Variants in XNDC1N observed in about 807,000 individuals in gnomAD.
XNDC1N encodes the protein XRCC1 N-terminal domain containing 1, N-terminal like, also known as protein XNDC1N.
At chr11:71,908,539 C>A in the XNDC1N span, among the ~76,000 whole-genome samples, 8 of 152,218 alleles carry the variant, frequency 5.3e-5, no homozygotes, top group African/African-American at 1.9e-4. Flanking sequence ...GACACAAATG[C>A]CCCTGAGAGA....
the XNDC1N span, chr11:71,914,277 T>G: frequency 2.2e-6 from 1 of 456,114 alleles, no homozygotes; most frequent in Non-Finnish European, 4.4e-6. Flanking sequence ...TGGTGATTCA[T>G]GGGAGGAGGT....
chr11:71,928,300 T>C, the XNDC1N span: 2 of 606,732 alleles, frequency 3.3e-6, no homozygotes, highest in South Asian at 3.9e-5. Flanking sequence ...GTTCATTTCC[T>C]TGATGGCCAC....
At chr11:71,917,399 A>T in the XNDC1N span, 1 of 616,800 alleles carries the variant, frequency 1.6e-6, no homozygotes, top group South Asian at 1.9e-5. Flanking sequence ...TAAATAGTTC[A>T]TAAATCTCCA....
the XNDC1N span, chr11:71,894,474 G>C: frequency 6.8e-6 from 1 of 146,544 alleles, no homozygotes; most frequent in South Asian, 2.0e-4. Context: ...TGCAAATCCT[G>C]CCTCTTAGTC....
At chr11:71,896,849 C>T in the XNDC1N span, among the ~76,000 whole-genome samples, 49 of 152,222 alleles carry the variant, frequency 3.2e-4, no homozygotes, top group African/African-American at 1.0e-3. Flanking sequence ...CAGGCGTGAG[C>T]GACTGCGGCC....
chr11:71,884,543 T>C, the XNDC1N span: 2 of 1,606,274 alleles, frequency 1.2e-6, no homozygotes, highest in Middle Eastern at 2.3e-4. Flanking sequence ...TTCAAATTGA[T>C]GGACAAAAGA....
the XNDC1N span, among the ~76,000 whole-genome samples, chr11:71,890,072 G>A: frequency 3.9e-5 from 6 of 152,130 alleles, no homozygotes; most frequent in Non-Finnish European, 8.8e-5. Context: ...AAGGTGGAGT[G>A]GATGAATCGG....
chr11:71,918,089 G>C, the XNDC1N span, among the ~76,000 whole-genome samples: 1 of 152,294 alleles, frequency 6.6e-6, no homozygotes, highest in African/African-American at 2.4e-5. Context: ...TTGCTAGGGT[G>C]CCTGACATCT....
At chr11:71,894,718 C>T in the XNDC1N span, among the ~76,000 whole-genome samples, 1 of 152,166 alleles carries the variant, frequency 6.6e-6, no homozygotes, top group African/African-American at 2.4e-5. Context: ...GTCCTCACTT[C>T]GTTTTGGAAT....
At chr11:71,920,193 C>T in the XNDC1N span, among the ~76,000 whole-genome samples, 2 of 151,134 alleles carry the variant, frequency 1.3e-5, no homozygotes, top group African/African-American at 4.9e-5. Flanking sequence ...CTCCTGACCT[C>T]GTGATCCGCC....
the XNDC1N span, among the ~76,000 whole-genome samples, chr11:71,889,843 AC>A: frequency 6.6e-6 from 1 of 152,116 alleles, no homozygotes; most frequent in Admixed American, 6.6e-5. Flanking sequence ...TCTTGGGCAT[AC>A]CTACTCTGGG....
At chr11:71,915,929 G>C in the XNDC1N span, 10 of 587,532 alleles carry the variant, frequency 1.7e-5, no homozygotes, top group South Asian at 2.2e-4. Context: ...TGTAAGAAAG[G>C]GTATCAAGCC....
the XNDC1N span, among the ~76,000 whole-genome samples, chr11:71,899,554 C>T: frequency 6.6e-6 from 1 of 152,216 alleles, no homozygotes; most frequent in Non-Finnish European, 1.5e-5. Context: ...TGTATGAAAT[C>T]AAGGTTTAAG....
chr11:71,898,565 C>T, the XNDC1N span, among the ~76,000 whole-genome samples: 4 of 152,178 alleles, frequency 2.6e-5, no homozygotes, highest in African/African-American at 4.8e-5. Flanking sequence ...CGACATCACG[C>T]CACTGCACTC....
the XNDC1N span, among the ~76,000 whole-genome samples, chr11:71,898,453 A>C: frequency 0.044 from 6,766 of 152,064 alleles, 521 homozygotes; most frequent in African/African-American, 0.16. Context: ...TTAAAAATAC[A>C]AAAATTAGCT....
the XNDC1N span, among the ~76,000 whole-genome samples, chr11:71,889,073 C>T: frequency 1.3e-5 from 2 of 152,206 alleles, no homozygotes; most frequent in African/African-American, 4.8e-5. Context: ...GTTGAAGCCA[C>T]ATCATTGCCC....
At chr11:71,899,694 C>T in the XNDC1N span, among the ~76,000 whole-genome samples, 3,819 of 141,498 alleles carry the variant, frequency 0.027, no homozygotes, top group African/African-American at 0.066. Flanking sequence ...CCGCAGGGAG[C>T]CCTGCCCTTG....
the XNDC1N span, among the ~76,000 whole-genome samples, chr11:71,905,712 A>G: frequency 2.6e-5 from 4 of 152,094 alleles, no homozygotes; most frequent in African/African-American, 9.7e-5. Context: ...AAAATATCAC[A>G]GGGTGTACCC....
the XNDC1N span, among the ~76,000 whole-genome samples, chr11:71,913,165 C>G: frequency 6.6e-6 from 1 of 152,064 alleles, no homozygotes; most frequent in Non-Finnish European, 1.5e-5. Flanking sequence ...AACAATATCA[C>G]AGGGTTTTGT....
Sources: allele counts gnomAD v4.1 joint callset (sites outside exome capture counted in the v4.1 genomes callset), GRCh38; gene constraint gnomAD v4.1.1; transcripts MANE v1.5; gene names NCBI Gene and HGNC (gene_info 2026-07-23, HGNC 2026-07-21).